Variants in METTL16 observed in about 807,000 individuals in gnomAD.
METTL16 encodes methyltransferase 16, RNA N6-adenosine, also known as RNA N(6)-adenosine-methyltransferase METTL16.
METTL16 carries 19 observed loss-of-function variants against 57.9 expected under a neutral mutation model. That is an observed-to-expected ratio of 0.33 (90% confidence interval 0.23 to 0.48). The LOEUF is 0.48. METTL16 is among the 20% of genes least tolerant of loss of function. The probability of loss-of-function intolerance (pLI) is 0.99; values close to 1 mark genes in which losing one functional copy is unlikely to be tolerated. For missense variants in METTL16, 434 were observed against 691.5 expected (o/e 0.63, Z 4.18); for synonymous variants, 246 against 255.6 (o/e 0.96, Z 0.36).
chr17:2,468,891 TA>T (rs995680552), intron 4 of METTL16, among the ~76,000 whole-genome samples: 79 of 150,122 alleles, frequency 5.3e-4, no homozygotes, highest in African/African-American at 1.8e-3. Context: ...CTGTCTCTAA[TA>T]AAAAAATGTT....
intron 2 of METTL16, among the ~76,000 whole-genome samples, chr17:2,496,773 C>A (rs2067449116): frequency 6.6e-6 from 1 of 151,452 alleles, no homozygotes; most frequent in Non-Finnish European, 1.5e-5. Context: ...GTCACGAGGG[C>A]TTTGCCCTTA....
At position 2,464,313 on chromosome 17, in the gene METTL16, C is replaced by G; in HGVS notation, c.623G>C (p.Ser208Thr). Residue 208 changes from serine to threonine, a missense_variant, in exon 6 of 10, where the codon AGT becomes ACT. Ser to Thr is a moderately conservative substitution (Grantham distance 58). Transcript: ENST00000263092. ...TGTGATGCCTCCTGTATTAACAGAA[C>G]TAGGCGGAGGTCTTCGAGGATTTCG... ...NSRNPRRPPP[S>T]SVNTGGITEI... is the part of the protein sequence containing the mutation. 6.2e-7 allele frequency: 1 copy of G among 1,611,460 alleles called. No individual in the cohort carries two copies. The highest frequency in any genetic ancestry group is 8.5e-7 in the Non-Finnish European group (1 of 1,179,390).
intron 1 of METTL16, among the ~76,000 whole-genome samples, chr17:2,510,388 G>A (rs1597478590): frequency 6.6e-6 from 1 of 152,154 alleles, no homozygotes; most frequent in Admixed American, 6.5e-5. Flanking sequence ...AAGAGACAGT[G>A]GCATGTTAGG....
At chr17:2,471,506 A>G (rs1398420619) in intron 4 of METTL16, among the ~76,000 whole-genome samples, 1 of 152,116 alleles carries the variant, frequency 6.6e-6, no homozygotes, top group Non-Finnish European at 1.5e-5. Context: ...GAAGGGATCA[A>G]TGGCCAGGTG....
chr17:2,481,101 G>C (rs903376482), intron 2 of METTL16, among the ~76,000 whole-genome samples: 3 of 151,984 alleles, frequency 2.0e-5, no homozygotes, highest in African/African-American at 7.3e-5. Context: ...AGCTACTCAG[G>C]AGGCTGAGCT....
At chr17:2,447,550 G>A (rs1454494267) in intron 6 of METTL16, among the ~76,000 whole-genome samples, 1 of 119,802 alleles carries the variant, frequency 8.3e-6, no homozygotes, top group Non-Finnish European at 1.7e-5. Flanking sequence ...CCTCTGCCTG[G>A]CCAGTCGCCC....
chr17:2,474,683 T>C (rs962117731), intron 3 of METTL16, among the ~76,000 whole-genome samples: 2 of 152,234 alleles, frequency 1.3e-5, no homozygotes, highest in African/African-American at 2.4e-5. Flanking sequence ...CCCAGCACTT[T>C]GGGAGGCCGA....
At chr17:2,511,403 T>A (rs1168467384) in intron 1 of METTL16, among the ~76,000 whole-genome samples, 2 of 152,110 alleles carry the variant, frequency 1.3e-5, no homozygotes, top group Non-Finnish European at 2.9e-5. Context: ...TCTTCTCTCT[T>A]CGCCTTCTCT....
In METTL16 at chr17:2,417,058, C is replaced by CTTTTTTTTCTTTT. The variant is rs2066722578; in HGVS notation, c.*2911_*2912insAAAAGAAAAAAAA. On this transcript the variant is annotated 3_prime_UTR_variant, in exon 10 of 10. Transcript: ENST00000263092. ...TGAAAGCTGGCCTGCTCATGGGTTCCTTTTTTTTTTTTTTTTTTTTTTTTT... is the reference window on the plus strand; with the variant it reads ...TGAAAGCTGGCCTGCTCATGGGTTCCTTTTTTTTCTTTTTTTTTTTTTTTTTTTTTTTTTTTTT... 1.6e-5 allele frequency: 1 copy of CTTTTTTTTCTTTT among 61,534 alleles called. No individual in the cohort carries two copies. Among genetic ancestry groups the CTTTTTTTTCTTTT allele is most frequent in the Non-Finnish European group, 2.8e-5 (1 of 35,662 alleles). 3.8% of individuals were successfully genotyped at this position (61,534 alleles called of 1,614,324 possible).
At chr17:2,454,127 C>T (rs576713812) in intron 6 of METTL16, among the ~76,000 whole-genome samples, 1 of 152,264 alleles carries the variant, frequency 6.6e-6, no homozygotes, top group African/African-American at 2.4e-5. Flanking sequence ...TATGTCATTA[C>T]TTTCTGGTAC....
chr17:2,447,377 C>T (rs1473832189), intron 6 of METTL16, among the ~76,000 whole-genome samples: 31 of 136,512 alleles, frequency 2.3e-4, no homozygotes, highest in African/African-American at 1.1e-3. Flanking sequence ...GGAGCCCCTC[C>T]GTCCAGCAGC....
At chr17:2,445,278 C>T (rs995259335) in intron 6 of METTL16, among the ~76,000 whole-genome samples, 7 of 152,094 alleles carry the variant, frequency 4.6e-5, no homozygotes, top group Non-Finnish European at 8.8e-5. Flanking sequence ...AGGTTTGTAG[C>T]CTAGAAAACA....
At chr17:2,446,874 C>G (rs956556735) in intron 6 of METTL16, among the ~76,000 whole-genome samples, 1 of 152,106 alleles carries the variant, frequency 6.6e-6, no homozygotes, top group Non-Finnish European at 1.5e-5. Flanking sequence ...GAGTCTCGTT[C>G]ACTCAGTGCT....
intron 1 of METTL16, among the ~76,000 whole-genome samples, chr17:2,502,887 A>G (rs775319231): frequency 6.6e-6 from 1 of 152,142 alleles, no homozygotes; most frequent in Non-Finnish European, 1.5e-5. Flanking sequence ...CTTCATACCC[A>G]CTAGGATGGC....
At chr17:2,458,805 CTT>C (rs58409318) in intron 6 of METTL16, among the ~76,000 whole-genome samples, 13 of 146,620 alleles carry the variant, frequency 8.9e-5, no homozygotes, top group African/African-American at 2.2e-4. Context: ...GGGTGAGTCC[CTT>C]TTTTTTTTTT....
chr17:2,462,517 C>T (rs777855051), intron 6 of METTL16, among the ~76,000 whole-genome samples: 1 of 152,106 alleles, frequency 6.6e-6, no homozygotes, highest in African/African-American at 2.4e-5. Flanking sequence ...CTAGTGTTGG[C>T]GACGGGGCCT....
At chr17:2,441,608 T>C in intron 6 of METTL16, 49 bp from the exon 7 acceptor site, 1 of 1,276,430 alleles carries the variant, frequency 7.8e-7, no homozygotes, top group South Asian at 1.5e-5. Context: ...GTGGTTAAAA[T>C]TTTAAACTAA....
intron 8 of METTL16, among the ~76,000 whole-genome samples, chr17:2,433,382 C>T (rs957669118): frequency 2.8e-4 from 42 of 152,160 alleles, no homozygotes; most frequent in African/African-American, 1.0e-3. Context: ...TACTTCCTCC[C>T]ACTTGTGGTA....
rs146848411 is a variant in METTL16 at position 2,471,117 on chromosome 17, T to A, written c.469+2407A>T. On this transcript the variant is annotated intron_variant, in intron 4 of 9. Coordinates refer to ENST00000263092, the MANE Select transcript of METTL16 (RefSeq NM_024086.4). ...AATGAATCTAGACAAAGACCTTATA[T>A]CCCTCACAAAATTTAACTCAAAACA... Among the ~76,000 whole-genome samples the A allele has an allele frequency of 5.7e-3, 874 of 152,326 alleles. 9 individuals are homozygous for A. The highest frequency in any genetic ancestry group is 0.02 in the African/African-American group (838 of 41,580).
Sources: gnomAD v4.1 joint callset for allele counts (sites outside exome capture counted in the v4.1 genomes callset) on GRCh38, gnomAD v4.1.1 for gene constraint, MANE v1.5 for transcripts, NCBI Gene and HGNC (gene_info 2026-07-23, HGNC 2026-07-21) for gene names.